GSDMA: variants seen among roughly 807,000 people sequenced by gnomAD.
GSDMA encodes the protein gasdermin-A.
A neutral mutation model predicts 54.3 loss-of-function variants in GSDMA; 55 were observed. The ratio of observed to expected loss-of-function variants is 1.01; its 90% confidence interval spans 0.82 to 1.27. The LOEUF is 1.27. Ranked by LOEUF, GSDMA falls within the 50% of genes most tolerant of loss-of-function variation. GSDMA has a pLI of 0.00. For synonymous variants in GSDMA, 211 were observed against 224.7 expected (o/e 0.94, Z 0.54); for missense variants, 542 against 542.6 (o/e 1.00, Z 0.01).
chr17:39,964,654 AG>A (rs1979554868), intron 1 of GSDMA, among the ~76,000 whole-genome samples: 2 of 152,074 alleles, frequency 1.3e-5, no homozygotes, highest in South Asian at 4.1e-4. Flanking sequence ...GGCACGCATG[AG>A]GGAAGGACAG....
intron 9 of GSDMA, 26 bp from the exon 10 acceptor site, chr17:39,974,874 C>A: frequency 7.3e-7 from 1 of 1,375,616 alleles, no homozygotes. Context: ...ATGTTATCTT[C>A]AATAGTCGCC....
intron 1 of GSDMA, among the ~76,000 whole-genome samples, chr17:39,964,850 G>T (rs932669595): frequency 3.9e-5 from 6 of 152,142 alleles, no homozygotes; most frequent in Admixed American, 1.3e-4. Flanking sequence ...CTCTAGACCA[G>T]GCGCAGTGGC....
At chr17:39,966,677 C>T (rs1352856987) in intron 3 of GSDMA, among the ~76,000 whole-genome samples, 1 of 152,320 alleles carries the variant, frequency 6.6e-6, no homozygotes, top group Non-Finnish European at 1.5e-5. Context: ...CACGCATGCA[C>T]AGGGAAGATG....
At chr17:39,975,085 C>T (rs1980143485) in intron 10 of GSDMA, 71 bp downstream of exon 10, 3 of 799,558 alleles carry the variant, frequency 3.8e-6, no homozygotes, top group Admixed American at 4.4e-5. Flanking sequence ...AATCAATTCC[C>T]AAATGGATGA....
chr17:39,964,778 G>A (rs1568126727), intron 1 of GSDMA, among the ~76,000 whole-genome samples: 1 of 152,022 alleles, frequency 6.6e-6, no homozygotes, highest in Non-Finnish European at 1.5e-5. Flanking sequence ...GGTGTCCTCC[G>A]ACTCTGGCTA....
intron 3 of GSDMA, among the ~76,000 whole-genome samples, chr17:39,968,899 G>C (rs1322335999): frequency 6.6e-6 from 1 of 152,192 alleles, no homozygotes; most frequent in East Asian, 1.9e-4. Context: ...ACACAGGTTA[G>C]AGGTAGATTT....
intron 1 of GSDMA, chr17:39,965,399 G>C: frequency 2.3e-6 from 1 of 430,120 alleles, no homozygotes; most frequent in South Asian, 3.6e-5. Context: ...TGAGCGTGGA[G>C]TGAGAAAAAT....
Position 39,966,364 on chromosome 17 carries a change from C to G in GSDMA, c.319C>G (p.Leu107Val), listed in dbSNP as rs1427068176. ...GGTGAAGGTGAAGGGAACGGCAGGG[C>G]TCTCGCAGAACAGCACTCTGGAGGT... is the stretch of plus-strand genomic sequence containing the variant. Reference protein sequence around the residue: ...KTVKVKGTAGLSQNSTLEVQT... With the variant: ...KTVKVKGTAGVSQNSTLEVQT... The change falls in exon 3 of 12, where the codon CTC becomes GTC. Residue 107 changes from leucine to valine, a missense_variant. Leu to Val is a conservative substitution (Grantham distance 32). Transcript: ENST00000301659. 6.2e-7 allele frequency: 1 copy of G among 1,613,780 alleles called. No individual in the cohort carries two copies. The highest frequency in any genetic ancestry group is 8.5e-7 in the Non-Finnish European group (1 of 1,179,870).
chr17:39,971,767 C>T (rs1280661899), intron 5 of GSDMA, 147 bp downstream of exon 5: 1 of 647,792 alleles, frequency 1.5e-6, no homozygotes, highest in African/African-American at 1.8e-5. Context: ...GGAGCCTGCT[C>T]TGGAGAGAAG....
intron 7 of GSDMA, 34 bp from the exon 8 acceptor site, chr17:39,973,776 C>T (rs1980068377): frequency 1.9e-6 from 3 of 1,591,834 alleles, no homozygotes; most frequent in African/African-American, 1.3e-5. Context: ...TGAAGGATTG[C>T]ATTCTTATCT....
At chr17:39,973,925 C>T in intron 8 of GSDMA, 95 bp downstream of exon 8, 1 of 1,194,216 alleles carries the variant, frequency 8.4e-7, no homozygotes, top group Non-Finnish European at 1.2e-6. Flanking sequence ...TGTCAGCTAA[C>T]TCATGGGAAG....
intron 11 of GSDMA, 138 bp from the exon 12 acceptor site, chr17:39,976,678 A>T (rs1021873008): frequency 2.6e-6 from 3 of 1,136,318 alleles, no homozygotes; most frequent in Non-Finnish European, 3.8e-6. Flanking sequence ...GGCTGTTCAA[A>T]GACCCAGATG....
chr17:39,967,168 A>C lies in GSDMA; in HGVS notation c.392+731A>C, dbSNP rs140393011. On this transcript the variant is annotated intron_variant, in intron 3 of 11. Transcript: ENST00000301659. ...GCGCCTAGAACATCTTTGTCCAAGA[A>C]CCTTGCAGTCTAGGAAGGTGAAAAT... Among the ~76,000 whole-genome samples the C allele has an allele frequency of 2.0e-5, 3 of 152,318 alleles. No individual in the cohort carries two copies. In the East Asian group the frequency reaches 5.8e-4, roughly 29 times the overall value.
intron 11 of GSDMA, 78 bp from the exon 12 acceptor site, chr17:39,976,738 C>T (rs1423512356): frequency 3.2e-6 from 5 of 1,570,496 alleles, no homozygotes; most frequent in East Asian, 2.2e-5. Flanking sequence ...GGAATGTAAC[C>T]TTCTTGTGAT....
chr17:39,965,483 C>G, intron 1 of GSDMA, 200 bp from the exon 2 acceptor site: 1 of 578,794 alleles, frequency 1.7e-6, no homozygotes, highest in Non-Finnish European at 3.1e-6. Flanking sequence ...TTTCAACTCT[C>G]CAGCCCTAGG....
chr17:39,973,838 A>C lies in GSDMA; in HGVS notation c.751+8A>C. 4 of 1,612,478 alleles carry C rather than the reference A, an allele frequency of 2.5e-6. No homozygotes were observed. Among genetic ancestry groups the C allele is most frequent in the Non-Finnish European group, 3.4e-6 (4 of 1,178,786 alleles). On this transcript the variant is annotated splice_region_variant and intron_variant, in intron 8 of 11. Transcript: ENST00000301659. Reference sequence around the variant, plus strand: ...TCCAGGCATCTGATGTTGGTAAGGAACTTTGTGAGTTTCTCCCAAGACTTT... The same window carrying C: ...TCCAGGCATCTGATGTTGGTAAGGACCTTTGTGAGTTTCTCCCAAGACTTT...
chr17:39,966,630 G>A (rs1043920558), intron 3 of GSDMA, among the ~76,000 whole-genome samples, 193 bp downstream of exon 3: 1 of 152,094 alleles, frequency 6.6e-6, no homozygotes. Context: ...CACACCTCCC[G>A]CTGCTGCCAC....
intron 5 of GSDMA, 58 bp downstream of exon 5, chr17:39,971,678 A>G: frequency 7.9e-7 from 1 of 1,263,578 alleles, no homozygotes; most frequent in Non-Finnish European, 1.2e-6. Flanking sequence ...ACCAGTACTG[A>G]GGCACCCTGG....
chr17:39,966,390 C>T lies in GSDMA; in HGVS notation c.345C>T (p.Val115=). The T allele has an allele frequency of 6.2e-7, 1 of 1,613,388 alleles. No homozygotes were observed. Among genetic ancestry groups the T allele is most frequent in the Non-Finnish European group, 8.5e-7 (1 of 1,179,710 alleles). The change falls in exon 3 of 12, where the codon GTC becomes GTT. Residue 115 remains valine (V), a synonymous_variant. Coordinates refer to ENST00000301659, the MANE Select transcript of GSDMA (RefSeq NM_178171.5). ...TCTCGCAGAACAGCACTCTGGAGGT[C>T]CAGACACTCAGTGTGGCTCCCAAGG... ...AGLSQNSTLE[V]QTLSVAPKAL... is the part of the protein sequence containing the mutation.
Sources: gnomAD v4.1 joint callset for allele counts (sites outside exome capture counted in the v4.1 genomes callset) on GRCh38, gnomAD v4.1.1 for gene constraint, MANE v1.5 for transcripts, NCBI Gene and HGNC (gene_info 2026-07-23, HGNC 2026-07-21) for gene names.